VPS13C: variants seen among roughly 807,000 people sequenced by gnomAD.
VPS13C encodes the protein vacuolar protein sorting 13 homolog C, also known as intermembrane lipid transfer protein VPS13C.
In VPS13C, 358 loss-of-function variants were observed where a neutral mutation model predicts 456.8. The observed-to-expected ratio is 0.78, with a 90% CI of 0.72 to 0.86. VPS13C has a LOEUF of 0.86. VPS13C is among the 40% of genes least tolerant of loss of function. The pLI is 0.00. For synonymous variants in VPS13C, 1,578 were observed against 1,486.7 expected, an observed-to-expected ratio of 1.06 and a Z score of -1.41; for missense variants, 4,818 against 4,385.4, an observed-to-expected ratio of 1.10 and a Z score of -2.79.
At chr15:61,919,189 A>G (rs2043567290) in intron 58 of VPS13C, 100 bp downstream of exon 58, 2 of 1,184,484 alleles carry the variant, frequency 1.7e-6, no homozygotes, top group East Asian at 2.7e-5. Flanking sequence ...GAATAATCAG[A>G]ATTGACCTGA....
chr15:61,984,944 T>C lies in VPS13C; in HGVS notation c.1634A>G (p.Glu545Gly), dbSNP rs2045996252. ...KLVSTSVTIR[E>G]NKNIPEILKI... ...TAGTATTTCTGGAATATTCTTGTTT[T>C]CTCTTATCGTAACAGAGGTGCTTAC... The change falls in exon 19 of 85, where the codon GAA becomes GGA. Residue 545 changes from glutamate to glycine, a missense_variant. Transcript: ENST00000644861. The C allele has an allele frequency of 1.2e-6, 2 of 1,611,430 alleles. No homozygotes were observed. The highest frequency in any genetic ancestry group is 1.7e-6 in the Non-Finnish European group (2 of 1,179,094).
intron 19 of VPS13C, among the ~76,000 whole-genome samples, 193 bp downstream of exon 19, chr15:61,984,664 G>A (rs2045984644): frequency 6.6e-6 from 1 of 152,000 alleles, no homozygotes; most frequent in African/African-American, 2.4e-5. Context: ...AAGGAGGGAG[G>A]GCAGAACAAA....
At chr15:62,048,419 C>A (rs1386022795) in intron 1 of VPS13C, among the ~76,000 whole-genome samples, 10 of 152,150 alleles carry the variant, frequency 6.6e-5, no homozygotes, top group Non-Finnish European at 1.3e-4. Context: ...CATGTCCCTA[C>A]AAAGGACATG....
At chr15:61,966,261 T>C (rs748739515) in intron 29 of VPS13C, 119 bp from the exon 30 acceptor site, 26 of 521,396 alleles carry the variant, frequency 5.0e-5, no homozygotes, top group Non-Finnish European at 7.7e-5. Context: ...ACACTGTATA[T>C]TTAATTTTAT....
intron 37 of VPS13C, among the ~76,000 whole-genome samples, chr15:61,955,709 T>G (rs1278232349): frequency 6.6e-6 from 1 of 152,166 alleles, no homozygotes; most frequent in African/African-American, 2.4e-5. Context: ...ACTGATCATT[T>G]AAAAAACCAG....
chr15:61,964,222 T>A (rs764771458), intron 31 of VPS13C, among the ~76,000 whole-genome samples: 1 of 152,096 alleles, frequency 6.6e-6, no homozygotes, highest in Admixed American at 6.6e-5. Context: ...TTAAATAATG[T>A]GTCTAAGGTT....
Position 61,920,293 on chromosome 15 carries a change from AGAG to A in VPS13C, c.7248_7250del (p.Ser2417del). On this transcript the variant is annotated inframe_deletion, in exon 57 of 85. Coordinates refer to ENST00000644861, the MANE Select transcript of VPS13C (RefSeq NM_020821.3). ...CCGTAAAAGGAGCTCTGTCCTTTAAAGAGTAGTCAAAAGTAGAAGCAGTGCCCT... is the reference window on the plus strand; with the variant it reads ...CCGTAAAAGGAGCTCTGTCCTTTAAATAGTCAAAAGTAGAAGCAGTGCCCT... 6.2e-7 allele frequency: 1 copy of A among 1,610,816 alleles called. No individual in the cohort carries two copies. The highest frequency in any genetic ancestry group is 8.5e-7 in the Non-Finnish European group (1 of 1,177,696).
intron 83 of VPS13C, among the ~76,000 whole-genome samples, chr15:61,855,804 A>T (rs1893872992): frequency 6.6e-6 from 1 of 152,146 alleles, no homozygotes. Context: ...TAAGTACTTG[A>T]GTCTAAGAAC....
In VPS13C at chr15:61,958,582, A is replaced by G. The variant is rs368247383; in HGVS notation, c.4165+26T>C. ...CATAAATAAATAGACACATATGTAT[A>G]TTGCCACTTACTGTCAGCCTCTTAC... On this transcript the variant is annotated intron_variant, in intron 37 of 84. Transcript: ENST00000644861. 4.0e-4 allele frequency: 501 copies of G among 1,254,450 alleles called. 4 individuals carry two copies. Among genetic ancestry groups the G allele is most frequent in the Non-Finnish European group, 3.5e-4 (309 of 881,378 alleles). The allele number at this position is 1,254,450 out of a possible 1,614,324, so 77.7% of individuals were successfully genotyped here. A position where few individuals can be genotyped will look rare whatever the true frequency, so the allele number is the denominator to read the frequency against.
At position 61,920,281 on chromosome 15, in the gene VPS13C, T is replaced by A. The variant is rs141762678; in HGVS notation, c.7263A>T (p.Arg2421Ser). The change falls in exon 57 of 85, where the codon AGA becomes AGT. Residue 2421 changes from arginine (R) to serine (S), a missense_variant. Physicochemically the swap from Arg to Ser is moderately radical, Grantham distance 110. Transcript: ENST00000644861. ...CAGCATTTTTTACCGTAAAAGGAGC[T>A]CTGTCCTTTAAAGAGTAGTCAAAAG... is the stretch of plus-strand genomic sequence containing the variant. ...ASTFDYSLKD[R>S]APFTVKNAVG... The A allele has an allele frequency of 7.4e-5, 120 of 1,612,994 alleles. 2 individuals are homozygous for A. The African/African-American group carries it at 1.5e-3, about 20-fold the overall frequency.
At chr15:61,907,590 C>G (rs2043187133) in intron 65 of VPS13C, among the ~76,000 whole-genome samples, 200 bp from the exon 66 acceptor site, 2 of 152,086 alleles carry the variant, frequency 1.3e-5, no homozygotes, top group African/African-American at 2.4e-5. Flanking sequence ...GAATATTGCC[C>G]TTTCTGAAGC....
chr15:61,911,702 A>G (rs1400233273), intron 63 of VPS13C, 138 bp downstream of exon 63: 2 of 898,902 alleles, frequency 2.2e-6, no homozygotes, highest in Non-Finnish European at 3.1e-6. Context: ...ATAGTAAGAG[A>G]AAAATCTTTC....
chr15:61,915,798 A>G lies in VPS13C; in HGVS notation c.8280T>C (p.Ile2760=). ...TVDLSVHVRR[I]GSRMVLSVFS... Reference sequence around the variant, plus strand: ...AGACAGACAGCACCATCCGGCTGCCAATTCTCCTGACGTGGACTGACAGGT... The same window carrying G: ...AGACAGACAGCACCATCCGGCTGCCGATTCTCCTGACGTGGACTGACAGGT... Residue 2760 remains isoleucine (I), a synonymous_variant, in exon 61 of 85, where the codon ATT becomes ATC. Transcript: ENST00000644861. 2 of 1,614,088 alleles carry G rather than the reference A, an allele frequency of 1.2e-6. No homozygotes were observed. The highest frequency in any genetic ancestry group is 1.7e-6 in the Non-Finnish European group (2 of 1,180,012).
intron 45 of VPS13C, among the ~76,000 whole-genome samples, chr15:61,942,720 C>A (rs894537072): frequency 6.6e-6 from 1 of 152,026 alleles, no homozygotes; most frequent in African/African-American, 2.4e-5. Flanking sequence ...AAGCAATATT[C>A]TTGGTGTACA....
intron 1 of VPS13C, among the ~76,000 whole-genome samples, chr15:62,052,875 T>C (rs1475198050): frequency 2.6e-5 from 4 of 152,018 alleles, no homozygotes; most frequent in African/African-American, 7.3e-5. Flanking sequence ...ACAGGAAGTT[T>C]TGACAAAGGA....
chr15:61,932,158 A>G (rs1293062126), intron 49 of VPS13C, among the ~76,000 whole-genome samples: 5 of 152,236 alleles, frequency 3.3e-5, no homozygotes, highest in African/African-American at 1.2e-4. Flanking sequence ...GAGTATAAAT[A>G]GTAAAAGCTC....
chr15:61,974,865 G>A (rs754889394), intron 24 of VPS13C, among the ~76,000 whole-genome samples: 3 of 152,194 alleles, frequency 2.0e-5, no homozygotes, highest in South Asian at 2.1e-4. Context: ...TGATTAAAAT[G>A]TCAGCTCCAT....
chr15:61,945,094 C>G (rs1435500881), intron 45 of VPS13C, among the ~76,000 whole-genome samples: 1 of 152,186 alleles, frequency 6.6e-6, no homozygotes, highest in African/African-American at 2.4e-5. Flanking sequence ...TCACCCTAAG[C>G]TTGTTCTTGT....
At position 61,907,335 on chromosome 15, in the gene VPS13C, C is replaced by G. The variant is rs187934201; in HGVS notation, c.9034G>C (p.Ala3012Pro). 1 of 1,614,012 alleles carries G rather than the reference C, an allele frequency of 6.2e-7. No individual in the cohort carries two copies. The highest frequency in any genetic ancestry group is 8.5e-7 in the Non-Finnish European group (1 of 1,179,896). Residue 3012 changes from alanine to proline, a missense_variant, in exon 66 of 85, where the codon GCA becomes CCA. Transcript: ENST00000644861. ...LPRQARLFAW[A>P]DPTGTRKLTW... The stretch of plus-strand genomic sequence containing the variant: ...AGTTTTCTGGTACCAGTAGGATCTG[C>G]CCAGGCAAAAAGTCGAGCCTGTCTT...
Sources: allele counts gnomAD v4.1 joint callset (sites outside exome capture counted in the v4.1 genomes callset), GRCh38; gene constraint gnomAD v4.1.1; transcripts MANE v1.5; gene names NCBI Gene and HGNC (gene_info 2026-07-23, HGNC 2026-07-21).